SCLT1: variants seen among roughly 807,000 people sequenced by gnomAD.
The protein encoded by SCLT1 is sodium channel-associated protein 1.
In SCLT1, 78 loss-of-function variants were observed where a neutral mutation model predicts 112.8. The observed-to-expected ratio is 0.69, with a 90% confidence interval of 0.58 to 0.83. SCLT1 has a LOEUF of 0.83. SCLT1 is among the 40% of genes least tolerant of loss of function. The pLI is 0.00. For missense variants in SCLT1, 747 were observed against 770.4 expected, an observed-to-expected ratio of 0.97 and a Z score of 0.36; for synonymous variants, 257 against 254.7, an observed-to-expected ratio of 1.01 and a Z score of -0.09.
chr4:128,893,221 A>G (rs574193439), intron 18 of SCLT1, among the ~76,000 whole-genome samples: 21 of 152,324 alleles, frequency 1.4e-4, no homozygotes, highest in African/African-American at 4.8e-4. Context: ...ACTCAAGACA[A>G]TCTTAATGAT....
chr4:128,878,819 C>G (rs318556), intron 3 of SCLT1, among the ~76,000 whole-genome samples: 78,113 of 151,914 alleles, frequency 0.51, 23,626 homozygotes, highest in African/African-American at 0.85. Flanking sequence ...TTACATTTAG[C>G]TTGTGGCCAA....
chr4:128,913,616 G>A (rs1309858636), intron 18 of SCLT1, among the ~76,000 whole-genome samples: 7 of 152,164 alleles, frequency 4.6e-5, no homozygotes, highest in Non-Finnish European at 7.3e-5. Flanking sequence ...AAGCTACAGA[G>A]AAGACGAGTT....
chr4:128,924,004 A>G (rs1277193142), intron 18 of SCLT1, among the ~76,000 whole-genome samples: 1 of 151,718 alleles, frequency 6.6e-6, no homozygotes, highest in African/African-American at 2.4e-5. Context: ...TGTAGAGACG[A>G]GGTCTCACTC....
chr4:129,037,962 C>G (rs2125690522), intron 5 of SCLT1: 1 of 152,124 alleles, frequency 6.6e-6, no homozygotes, highest in African/African-American at 2.4e-5. Context: ...GAAACCCCGT[C>G]TCTACTGAAA....
intron 9 of SCLT1, among the ~76,000 whole-genome samples, chr4:128,974,340 A>T (rs1445338915): frequency 6.6e-6 from 1 of 151,786 alleles, no homozygotes; most frequent in Non-Finnish European, 1.5e-5. Flanking sequence ...TGCAGCCTGC[A>T]AGTTGATTTG....
At chr4:129,071,820 G>A (rs529737677) in intron 2 of SCLT1, among the ~76,000 whole-genome samples, 1 of 152,196 alleles carries the variant, frequency 6.6e-6, no homozygotes, top group South Asian at 2.1e-4. Context: ...GAAATGTGAG[G>A]TACTGTTGCA....
intron 11 of SCLT1, among the ~76,000 whole-genome samples, chr4:128,961,151 C>T (rs941059663): frequency 6.6e-6 from 1 of 151,906 alleles, no homozygotes; most frequent in Non-Finnish European, 1.5e-5. Flanking sequence ...CTCCTTCATC[C>T]ATAGATTGTC....
chr4:128,906,151 T>C (rs1195102610), intron 18 of SCLT1, among the ~76,000 whole-genome samples: 1 of 152,246 alleles, frequency 6.6e-6, no homozygotes, highest in Non-Finnish European at 1.5e-5. Context: ...TCAAAGTTTT[T>C]GCTAAGTACT....
chr4:128,935,132 C>T (rs1358537068), intron 18 of SCLT1, among the ~76,000 whole-genome samples: 1 of 151,862 alleles, frequency 6.6e-6, no homozygotes, highest in East Asian at 1.9e-4. Context: ...TAATGTTATA[C>T]CAACTTTGCA....
At chr4:129,014,271 A>T (rs1196463573) in intron 5 of SCLT1, among the ~76,000 whole-genome samples, 3 of 152,032 alleles carry the variant, frequency 2.0e-5, no homozygotes, top group Admixed American at 2.0e-4. Flanking sequence ...TAGCTCAATG[A>T]TCTTCGTTTC....
rs557904267 is a variant in SCLT1 at position 129,041,866 on chromosome 4, C to A, written c.234+1529G>T. 4.5e-4 allele frequency: 68 copies of A among 152,448 alleles called. 1 individual carries two copies. The highest frequency in any genetic ancestry group is 1.6e-3 in the African/African-American group (65 of 41,582). 9.4% of individuals were successfully genotyped at this position (152,448 alleles called of 1,614,324 possible). A position where few individuals can be genotyped will look rare whatever the true frequency, so the allele number is the denominator to read the frequency against. ...GTTCAAGTGATTTTTCCTGCCTCAG[C>A]CTCCCAAGTAGCTGGGATTACTGGT... On this transcript the variant is annotated intron_variant, in intron 4 of 20. Coordinates refer to ENST00000281142, the MANE Select transcript of SCLT1 (RefSeq NM_144643.4).
At chr4:129,065,338 G>GT (rs76245678) in intron 2 of SCLT1, among the ~76,000 whole-genome samples, 40,963 of 151,810 alleles carry the variant, frequency 0.27, 5,903 homozygotes, top group South Asian at 0.35. Flanking sequence ...TGTTCACATA[G>GT]TTGGTTTTGT....
At chr4:128,967,207 G>C (rs768922498) in intron 10 of SCLT1, among the ~76,000 whole-genome samples, 1 of 152,152 alleles carries the variant, frequency 6.6e-6, no homozygotes, top group Non-Finnish European at 1.5e-5. Flanking sequence ...TTATGGCTGT[G>C]TAGTATTCCA....
intron 2 of SCLT1, among the ~76,000 whole-genome samples, chr4:129,044,484 T>C (rs1004211698): frequency 2.0e-5 from 3 of 151,906 alleles, no homozygotes; most frequent in African/African-American, 4.8e-5. Flanking sequence ...TCAGTAGCTT[T>C]TTCAAATACC....
At chr4:128,952,315 C>T (rs2126002934) in intron 14 of SCLT1, 1 of 456,782 alleles carries the variant, frequency 2.2e-6, no homozygotes, top group Non-Finnish European at 4.4e-6. Context: ...ATCAAATCTT[C>T]AAGTTAAACT....
At chr4:129,030,037 C>A (rs1746558543) in intron 5 of SCLT1, among the ~76,000 whole-genome samples, 1 of 152,076 alleles carries the variant, frequency 6.6e-6, no homozygotes, top group African/African-American at 2.4e-5. Context: ...ACCATGTATT[C>A]TAAAATAGGC....
chr4:129,062,679 C>CTT (rs201944840), intron 2 of SCLT1, among the ~76,000 whole-genome samples: 1 of 151,508 alleles, frequency 6.6e-6, no homozygotes, highest in African/African-American at 2.4e-5. Context: ...TCTTGGTTGA[C>CTT]TTTTTTTTTC....
chr4:128,959,563 T>A, intron 12 of SCLT1, 37 bp downstream of exon 12: 1 of 1,522,126 alleles, frequency 6.6e-7, no homozygotes, highest in Non-Finnish European at 9.1e-7. Flanking sequence ...ATAGTCAACA[T>A]TTTATTATAT....
intron 18 of SCLT1, among the ~76,000 whole-genome samples, chr4:128,912,727 CCT>C (rs1735199449): frequency 6.6e-6 from 1 of 151,956 alleles, no homozygotes; most frequent in African/African-American, 2.4e-5. Flanking sequence ...TCCTCTTCGC[CCT>C]CCTCCTCCTT....
Sources: allele counts gnomAD v4.1 joint callset (sites outside exome capture counted in the v4.1 genomes callset), GRCh38; gene constraint gnomAD v4.1.1; transcripts MANE v1.5; gene names NCBI Gene and HGNC (gene_info 2026-07-23, HGNC 2026-07-21).